The following DOCK3 variants were observed in gnomAD, a reference collection of about 807,000 sequenced individuals.
DOCK3 encodes dedicator of cytokinesis 3, also known as dedicator of cytokinesis protein 3.
In DOCK3, 60 loss-of-function variants were observed where a neutral mutation model predicts 265.6. That is an observed-to-expected ratio of 0.23 (90% CI 0.18 to 0.28). DOCK3 has a LOEUF of 0.28. Among genes scored for constraint, DOCK3 ranks in the 10% least tolerant of loss-of-function variants. The pLI is 1.00. For missense variants in DOCK3, 1,981 were observed against 2,594.3 expected, an observed-to-expected ratio of 0.76 and a Z score of 5.14; for synonymous variants, 881 against 938.0, an observed-to-expected ratio of 0.94 and a Z score of 1.11.
At chr3:51,247,914 A>G (rs1247073392) in intron 22 of DOCK3, among the ~76,000 whole-genome samples, 1 of 152,202 alleles carries the variant, frequency 6.6e-6, no homozygotes, top group Non-Finnish European at 1.5e-5. Context: ...GCCTAACACA[A>G]TATTTGAGTG....
chr3:50,970,794 A>C (rs9836165), intron 5 of DOCK3, among the ~76,000 whole-genome samples: 1 of 142,080 alleles, frequency 7.0e-6, no homozygotes, highest in Non-Finnish European at 1.5e-5. Context: ...TGGTGCAAAA[A>C]TAGCTCACTG....
intron 4 of DOCK3, among the ~76,000 whole-genome samples, chr3:50,912,905 G>A (rs1017105737): frequency 1.3e-5 from 2 of 152,050 alleles, no homozygotes; most frequent in Admixed American, 1.3e-4. Context: ...GCCAAGTCCT[G>A]GAATCGAGGG....
chr3:50,956,793 T>A (rs2076742415), intron 5 of DOCK3, among the ~76,000 whole-genome samples: 2 of 152,216 alleles, frequency 1.3e-5, no homozygotes, highest in Admixed American at 1.3e-4. Context: ...ATGAACAAAT[T>A]CACAGTACTT....
At chr3:51,236,710 T>C (rs1266327638) in intron 20 of DOCK3, among the ~76,000 whole-genome samples, 1 of 152,138 alleles carries the variant, frequency 6.6e-6, no homozygotes, top group African/African-American at 2.4e-5. Flanking sequence ...GTGACCTCCA[T>C]GAGGTCAGAA....
intron 2 of DOCK3, chr3:50,787,983 C>A: frequency 1.2e-6 from 1 of 835,872 alleles, no homozygotes; most frequent in South Asian, 1.4e-5. Context: ...TCTTCTGTGT[C>A]ATCAGAATTC....
chr3:51,095,693 AC>A, intron 9 of DOCK3, among the ~76,000 whole-genome samples: 1 of 151,384 alleles, frequency 6.6e-6, no homozygotes, highest in African/African-American at 2.4e-5. Context: ...AAAGCTTTTC[AC>A]CCCATCTTAC....
chr3:50,963,089 G>A (rs1271610358), intron 5 of DOCK3, among the ~76,000 whole-genome samples: 1 of 152,186 alleles, frequency 6.6e-6, no homozygotes, highest in African/African-American at 2.4e-5. Context: ...GGAGGCTGAG[G>A]CATGAAAATT....
intron 1 of DOCK3, among the ~76,000 whole-genome samples, chr3:50,739,477 A>G (rs2108211994): frequency 1.3e-5 from 2 of 152,216 alleles, no homozygotes; most frequent in African/African-American, 4.8e-5. Flanking sequence ...ACCTTTTCTT[A>G]GCATTTACTT....
At chr3:51,289,462 A>C (rs1193048367) in intron 27 of DOCK3, among the ~76,000 whole-genome samples, 1 of 152,260 alleles carries the variant, frequency 6.6e-6, no homozygotes. Context: ...CTAGACAGCC[A>C]TCCAGCCACA....
chr3:50,713,023 T>C (rs925594411), intron 1 of DOCK3, among the ~76,000 whole-genome samples: 4 of 152,228 alleles, frequency 2.6e-5, no homozygotes, highest in Non-Finnish European at 5.9e-5. Context: ...AATGATCCCT[T>C]TGATGTCCTG....
intron 22 of DOCK3, among the ~76,000 whole-genome samples, chr3:51,250,237 C>A (rs1413078308): frequency 6.7e-6 from 1 of 148,884 alleles, no homozygotes; most frequent in African/African-American, 2.5e-5. Flanking sequence ...CTGCCAAATC[C>A]CCCTCTGTGA....
At chr3:50,866,292 C>T (rs568572043) in intron 3 of DOCK3, among the ~76,000 whole-genome samples, 2 of 152,098 alleles carry the variant, frequency 1.3e-5, no homozygotes, top group East Asian at 1.9e-4. Context: ...TGAGACCATC[C>T]TGGCCAACAT....
At chr3:51,150,601 A>C (rs1279208104) in intron 10 of DOCK3, among the ~76,000 whole-genome samples, 2 of 152,202 alleles carry the variant, frequency 1.3e-5, no homozygotes, top group Non-Finnish European at 2.9e-5. Flanking sequence ...TTAACCCAGT[A>C]GTCATTCAGG....
chr3:50,767,202 G>A (rs746232314), intron 1 of DOCK3, among the ~76,000 whole-genome samples: 1 of 152,118 alleles, frequency 6.6e-6, no homozygotes, highest in Non-Finnish European at 1.5e-5. Context: ...CCATGCCTAT[G>A]TCCTGAATGG....
At chr3:51,211,875 C>T (rs2089525594) in intron 13 of DOCK3, among the ~76,000 whole-genome samples, 1 of 152,140 alleles carries the variant, frequency 6.6e-6, no homozygotes, top group Non-Finnish European at 1.5e-5. Context: ...GGTATGTACC[C>T]AGTAATGGGA....
intron 5 of DOCK3, among the ~76,000 whole-genome samples, chr3:50,996,513 G>A (rs975176069): frequency 1.3e-5 from 2 of 151,986 alleles, no homozygotes; most frequent in African/African-American, 4.8e-5. Flanking sequence ...CACAGTGCCC[G>A]GCCTTTTCTT....
At chr3:51,326,167 C>G (rs1230050782) in intron 32 of DOCK3, among the ~76,000 whole-genome samples, 1 of 152,018 alleles carries the variant, frequency 6.6e-6, no homozygotes, top group Non-Finnish European at 1.5e-5. Context: ...AATTAATGCT[C>G]CCCTATACTA....
At chr3:51,152,451 C>T (rs945862192) in intron 10 of DOCK3, among the ~76,000 whole-genome samples, 1 of 152,180 alleles carries the variant, frequency 6.6e-6, no homozygotes, top group Non-Finnish European at 1.5e-5. Flanking sequence ...CCTCCTTTAG[C>T]TCGGAGAAGT....
At position 50,914,052 on chromosome 3, in the gene DOCK3, T is replaced by C. The variant is rs562598927; in HGVS notation, c.219-19929T>C. Among the ~76,000 whole-genome samples the C allele has an allele frequency of 5.3e-5, 8 of 151,096 alleles. No homozygotes were observed. The South Asian group carries it at 1.5e-3, about 27-fold the overall frequency. ...TTTGTCCTCCCTGTATTGTCTCTCT[T>C]ATTTTATTTTATTTTATTTTATTTA... On this transcript the variant is annotated intron_variant, in intron 4 of 52. Coordinates refer to ENST00000266037, the MANE Select transcript of DOCK3 (RefSeq NM_004947.5).
Sources: gnomAD v4.1 joint callset for allele counts (sites outside exome capture counted in the v4.1 genomes callset) on GRCh38, gnomAD v4.1.1 for gene constraint, MANE v1.5 for transcripts, NCBI Gene and HGNC (gene_info 2026-07-23, HGNC 2026-07-21) for gene names.